The following FMN1 variants were observed in gnomAD, a reference collection of about 807,000 sequenced individuals.
The protein encoded by FMN1 is formin-1.
In FMN1, 110 loss-of-function variants were observed where a neutral mutation model predicts 132.4. That is an observed-to-expected ratio of 0.83 (90% CI 0.71 to 0.97). The LOEUF is 0.97. Ranked by LOEUF, FMN1 falls within the 50% of genes least tolerant of loss-of-function variation. The pLI is 0.00. For missense variants in FMN1, 1,792 were observed against 1,705.3 expected, an observed-to-expected ratio of 1.05 and a Z score of -0.90; for synonymous variants, 722 against 651.7, an observed-to-expected ratio of 1.11 and a Z score of -1.64.
intron 4 of FMN1, among the ~76,000 whole-genome samples, chr15:33,125,115 A>G (rs992550338): frequency 6.7e-6 from 1 of 148,768 alleles, no homozygotes; most frequent in Admixed American, 6.6e-5. Flanking sequence ...GCCTTAGAAC[A>G]TTACATCTAG....
intron 19 of FMN1, among the ~76,000 whole-genome samples, chr15:32,794,909 A>G (rs1310099725): frequency 6.6e-6 from 1 of 152,238 alleles, no homozygotes; most frequent in Non-Finnish European, 1.5e-5. Context: ...CAAGAACAAC[A>G]TTAGGATCAG....
In FMN1 at chr15:33,116,392, A is replaced by T. The variant is rs544576630; in HGVS notation, c.1868-27418T>A. On this transcript the variant is annotated intron_variant, in intron 4 of 20. Coordinates refer to ENST00000616417, the MANE Select transcript of FMN1 (RefSeq NM_001277313.2). ...CAGCCAACTGTTCAAACCGTGTTCA[A>T]ATAAGGCAAACGCCCAGCTGTAGCC... Among the ~76,000 whole-genome samples, 19 of 152,290 alleles carry T rather than the reference A, an allele frequency of 1.2e-4. No homozygotes were observed. In the South Asian group the frequency reaches 3.9e-3, roughly 32 times the overall value.
intron 4 of FMN1, among the ~76,000 whole-genome samples, chr15:33,131,486 T>C (rs1289787536): frequency 6.6e-6 from 1 of 152,204 alleles, no homozygotes; most frequent in African/African-American, 2.4e-5. Context: ...TAACTAGTCA[T>C]TGATATACTT....
chr15:33,079,035 C>A (rs1442306164), intron 5 of FMN1, among the ~76,000 whole-genome samples: 1 of 152,102 alleles, frequency 6.6e-6, no homozygotes, highest in Non-Finnish European at 1.5e-5. Context: ...ATTTTAGTGG[C>A]AATATTTCAA....
Position 32,851,703 on chromosome 15 carries a change from A to G in FMN1, c.3928+5312T>C, listed in dbSNP as rs201672606. Among the ~76,000 whole-genome samples the G allele has an allele frequency of 3.3e-5, 5 of 152,340 alleles. No homozygotes were observed. The East Asian group carries it at 9.6e-4, about 29-fold the overall frequency. On this transcript the variant is annotated intron_variant, in intron 17 of 20. Coordinates refer to ENST00000616417, the MANE Select transcript of FMN1 (RefSeq NM_001277313.2). ...CCACAGTTTTGTCAAATAACACTAT[A>G]TAAGGACATTCTGAGAAGGGAAGAA...
chr15:32,808,899 G>C (rs2057773700), intron 17 of FMN1, among the ~76,000 whole-genome samples: 1 of 120,802 alleles, frequency 8.3e-6, no homozygotes, highest in African/African-American at 2.9e-5. Context: ...CAAAACTTTA[G>C]TGTTTTTTTT....
In FMN1 at chr15:32,910,394, A is replaced by G. The variant is rs1176281920; in HGVS notation, c.3288+80T>C. The G allele has an allele frequency of 5.9e-6, 7 of 1,194,802 alleles. No individual in the cohort carries two copies. In the Admixed American group the frequency reaches 1.2e-4, roughly 21 times the overall value. 74.0% of individuals were successfully genotyped at this position (1,194,802 alleles called of 1,614,324 possible). A position where few individuals can be genotyped will look rare whatever the true frequency, so the allele number is the denominator to read the frequency against. ...AGGCCACGTCAAAACCCTTACTACC[A>G]AAGAACATGAACAGCTCAGTCATTT... On this transcript the variant is annotated intron_variant, in intron 11 of 20. Transcript: ENST00000616417.
chr15:33,112,394 T>C (rs2039743545), intron 4 of FMN1, among the ~76,000 whole-genome samples: 1 of 152,296 alleles, frequency 6.6e-6, no homozygotes, highest in East Asian at 1.9e-4. Flanking sequence ...GATTTTGTTG[T>C]TCTGTACTAG....
In FMN1 at chr15:33,089,396, C is replaced by T. The variant is rs543313666; in HGVS notation, c.1868-422G>A. 5.3e-5 allele frequency among the ~76,000 whole-genome samples: 8 copies of T among 152,332 alleles called. No homozygotes were observed. In the South Asian group the frequency reaches 1.4e-3, roughly 28 times the overall value. On this transcript the variant is annotated intron_variant, in intron 4 of 20. Coordinates refer to ENST00000616417, the MANE Select transcript of FMN1 (RefSeq NM_001277313.2). ...GCAGGAACTGTGCCTTGTTCATCTT[C>T]ATTTCTGGGAACAGAATCATTATGC...
Position 33,084,183 on chromosome 15 carries a change from T to C in FMN1, c.2043+4616A>G, listed in dbSNP as rs2038600831. ...TGGAGTAGCTATTCTTTTATTCCTT[T>C]ACTTTCTTAGTAAACCTGCTTTTAC... is the stretch of plus-strand genomic sequence containing the variant. On this transcript the variant is annotated intron_variant, in intron 5 of 20. Coordinates refer to ENST00000616417, the MANE Select transcript of FMN1 (RefSeq NM_001277313.2). 2.0e-5 allele frequency among the ~76,000 whole-genome samples: 3 copies of C among 152,352 alleles called. No homozygotes were observed. The South Asian group carries it at 6.2e-4, about 32-fold the overall frequency.
chr15:33,156,709 A>G (rs1964687194), intron 3 of FMN1, among the ~76,000 whole-genome samples: 1 of 152,150 alleles, frequency 6.6e-6, no homozygotes, highest in South Asian at 2.1e-4. Flanking sequence ...CTCACTTAGG[A>G]GGTAGTCTCT....
chr15:33,049,676 A>G (rs900228701), intron 6 of FMN1, among the ~76,000 whole-genome samples: 12 of 152,226 alleles, frequency 7.9e-5, no homozygotes, highest in African/African-American at 2.9e-4. Context: ...ACAAGTGGAG[A>G]TGTAAACTGA....
At chr15:33,024,121 A>G (rs1254568148) in intron 6 of FMN1, among the ~76,000 whole-genome samples, 1 of 152,104 alleles carries the variant, frequency 6.6e-6, no homozygotes, top group Non-Finnish European at 1.5e-5. Context: ...GATAAACTCC[A>G]AATGGCTAAT....
intron 9 of FMN1, among the ~76,000 whole-genome samples, chr15:32,934,897 G>C (rs2061222830): frequency 6.6e-6 from 1 of 150,624 alleles, no homozygotes; most frequent in African/African-American, 2.4e-5. Context: ...ATGAGCCACT[G>C]TATCTGGCCA....
intron 3 of FMN1, among the ~76,000 whole-genome samples, chr15:33,168,195 T>A (rs185609971): frequency 3.3e-5 from 5 of 152,274 alleles, no homozygotes; most frequent in African/African-American, 9.6e-5. Context: ...ATTTTAAAAG[T>A]CTCTCTGAGT....
rs376174345 is a variant in FMN1 at position 33,127,773 on chromosome 15, T to C, written c.1867+25275A>G. ...AAACCAATGCCACATCCACTTGCAGTGTCTGTAGAGAACTACATCTTGCCA... is the reference window on the plus strand; with the variant it reads ...AAACCAATGCCACATCCACTTGCAGCGTCTGTAGAGAACTACATCTTGCCA... On this transcript the variant is annotated intron_variant, in intron 4 of 20. Coordinates refer to ENST00000616417, the MANE Select transcript of FMN1 (RefSeq NM_001277313.2). Among the ~76,000 whole-genome samples the C allele has an allele frequency of 3.9e-5, 6 of 152,330 alleles. No individual in the cohort carries two copies. The South Asian group carries it at 6.2e-4, about 16-fold the overall frequency.
In FMN1 at chr15:32,969,442, GC is replaced by G; in HGVS notation, c.2258del (p.Gly753AlafsTer5). On this transcript the variant is annotated frameshift_variant, in exon 8 of 21. Transcript: ENST00000616417. LOFTEE classifies it high-confidence loss of function. Reference protein sequence around the residue: ...QFELRAFHIRGEHAMITARLE... With the variant: ...QFELRAFHIRXEHAMITARLE... ...GTCTCGCTGTTATCATTGCATGCTC[GC>G]CCCGGATATGAAATGCCCGAAGTTC... 6.2e-7 allele frequency: 1 copy of G among 1,613,828 alleles called. No individual in the cohort carries two copies. Among genetic ancestry groups the G allele is most frequent in the African/African-American group, 1.3e-5 (1 of 74,984 alleles).
At chr15:33,184,493 T>C (rs899632647) in intron 2 of FMN1, among the ~76,000 whole-genome samples, 6 of 141,860 alleles carry the variant, frequency 4.2e-5, no homozygotes, top group African/African-American at 1.8e-4. Flanking sequence ...ATTTAGATCT[T>C]TTTTTTTTCT....
chr15:33,054,545 A>G (rs535880764), intron 6 of FMN1, among the ~76,000 whole-genome samples: 3 of 152,344 alleles, frequency 2.0e-5, no homozygotes, highest in Non-Finnish European at 2.9e-5. Context: ...GCATCCATCT[A>G]TACTATTTCA....
Sources: allele counts gnomAD v4.1 joint callset (sites outside exome capture counted in the v4.1 genomes callset), GRCh38; gene constraint gnomAD v4.1.1; transcripts MANE v1.5; gene names NCBI Gene and HGNC (gene_info 2026-07-23, HGNC 2026-07-21).